Variants in WNT7B observed in about 807,000 individuals in gnomAD.
WNT7B encodes the protein Wnt family member 7B, also known as protein Wnt-7b.
WNT7B carries 19 observed loss-of-function variants against 38.2 expected under a neutral mutation model. That is an observed-to-expected ratio of 0.50 (90% CI 0.35 to 0.73). The LOEUF (loss-of-function observed/expected upper bound fraction) is 0.73. Ranked by LOEUF, WNT7B falls within the 30% of genes least tolerant of loss-of-function variation. The probability of loss-of-function intolerance (pLI) is 0.01; values close to 1 mark genes in which losing one functional copy is unlikely to be tolerated. For synonymous variants in WNT7B, 243 were observed against 209.3 expected (o/e 1.16, Z -1.39); for missense variants, 423 against 507.9 (o/e 0.83, Z 1.61).
chr22:45,961,397 A>G (rs1932193815), intron 1 of WNT7B, among the ~76,000 whole-genome samples: 1 of 152,304 alleles, frequency 6.6e-6, no homozygotes, highest in South Asian at 2.1e-4. Context: ...GGGGAGGGAC[A>G]GGCCCAAAGC....
intron 1 of WNT7B, among the ~76,000 whole-genome samples, chr22:45,953,613 G>C (rs144967639): frequency 6.6e-6 from 1 of 151,822 alleles, no homozygotes; most frequent in East Asian, 1.9e-4. Flanking sequence ...GAAGATATAC[G>C]CACCGCCAAC....
At chr22:45,961,429 C>T (rs1435428571) in intron 1 of WNT7B, among the ~76,000 whole-genome samples, 2 of 152,202 alleles carry the variant, frequency 1.3e-5, no homozygotes, top group African/African-American at 4.8e-5. Flanking sequence ...CAAGCAGGTT[C>T]ATGGTGTGTG....
In WNT7B at chr22:45,951,380, T is replaced by C. The variant is rs1251203431; in HGVS notation, c.72-1234A>G. 6.6e-6 allele frequency among the ~76,000 whole-genome samples: 1 copy of C among 152,102 alleles called. No homozygotes were observed. Among genetic ancestry groups the C allele is most frequent in the Non-Finnish European group, 1.5e-5 (1 of 68,006 alleles). On this transcript the variant is annotated intron_variant, in intron 1 of 3. Transcript: ENST00000339464. The surrounding 1 kb of genome is among the most constrained non-coding windows in gnomAD (Gnocchi z 4.8). The stretch of plus-strand genomic sequence containing the variant: ...GTGTGAGCCACTGCACCCAGCCTTG[T>C]GTGTTTTTTTAATGAGGTGAAATTC...
intron 2 of WNT7B, among the ~76,000 whole-genome samples, chr22:45,939,632 A>AACAC (rs56152359): frequency 0.018 from 2,601 of 144,830 alleles, 63 homozygotes; most frequent in African/African-American, 0.048. Context: ...TGTCTCTACA[A>AACAC]ACACACACAC....
At chr22:45,925,178 C>T in intron 3 of WNT7B, 1 of 970,912 alleles carries the variant, frequency 1.0e-6, no homozygotes, top group Non-Finnish European at 1.2e-6. Flanking sequence ...CAGGTGGGTG[C>T]CGGGTGGGCC....
At chr22:45,933,865 A>AG (rs1931442781) in intron 2 of WNT7B, among the ~76,000 whole-genome samples, 1 of 152,048 alleles carries the variant, frequency 6.6e-6, no homozygotes, top group Admixed American at 6.5e-5. Flanking sequence ...GCCACAGAGG[A>AG]GGGGGAGAAT....
intron 1 of WNT7B, among the ~76,000 whole-genome samples, chr22:45,961,885 G>A (rs998319233): frequency 2.6e-5 from 4 of 152,316 alleles, no homozygotes; most frequent in Admixed American, 1.3e-4. Flanking sequence ...TCAGTTTGCC[G>A]GTCTGTTCAA....
At chr22:45,931,578 C>T (rs1429404541) in intron 2 of WNT7B, among the ~76,000 whole-genome samples, 1 of 151,972 alleles carries the variant, frequency 6.6e-6, no homozygotes, top group Non-Finnish European at 1.5e-5. Context: ...ACCTGGTATA[C>T]AGCAGGCCCC....
At chr22:45,954,345 A>T (rs1937112647) in intron 1 of WNT7B, among the ~76,000 whole-genome samples, 1 of 152,216 alleles carries the variant, frequency 6.6e-6, no homozygotes, top group South Asian at 2.1e-4. Flanking sequence ...TAGTGATTGC[A>T]CCACATTGTG....
chr22:45,965,417 C>T lies in WNT7B; in HGVS notation c.71+11267G>A, dbSNP rs1053141744. Among the ~76,000 whole-genome samples, 3 of 152,164 alleles carry T rather than the reference C, an allele frequency of 2.0e-5. No individual in the cohort carries two copies. The highest frequency in any genetic ancestry group is 2.9e-5 in the Non-Finnish European group (2 of 68,036). On this transcript the variant is annotated intron_variant, in intron 1 of 3. Transcript: ENST00000339464. This position sits in a 1 kb window ranked among gnomAD's most constrained non-coding sequence, Gnocchi z 6.5. The stretch of plus-strand genomic sequence containing the variant: ...CTGATAACCCACCCGCGGGGGCTGC[C>T]GTCACGCTGTGGGCATGAAGGGAAA...
At chr22:45,936,816 G>A (rs1931525190) in intron 2 of WNT7B, among the ~76,000 whole-genome samples, 1 of 152,244 alleles carries the variant, frequency 6.6e-6, no homozygotes. Context: ...CTTCTAGAAA[G>A]AGCAGATGTG....
At chr22:45,926,993 C>CAGGAGCTGG (rs1227175539) in intron 3 of WNT7B, 1 of 985,348 alleles carries the variant, frequency 1.0e-6, no homozygotes, top group African/African-American at 1.7e-5. Flanking sequence ...CCCCTGGCTC[C>CAGGAGCTGG]AGGAGCTGGT....
chr22:45,934,767 G>A (rs1931469492), intron 2 of WNT7B, among the ~76,000 whole-genome samples: 1 of 152,194 alleles, frequency 6.6e-6, no homozygotes, highest in South Asian at 2.1e-4. Flanking sequence ...CTCATCGCCT[G>A]CCGCTCCTGC....
intron 1 of WNT7B, chr22:45,972,435 C>G (rs986848633): frequency 4.2e-6 from 1 of 236,404 alleles, no homozygotes; most frequent in African/African-American, 2.3e-5. Flanking sequence ...TCTGGGGCAG[C>G]GGCGGGAGCT....
intron 1 of WNT7B, among the ~76,000 whole-genome samples, chr22:45,962,164 G>C (rs1932212559): frequency 6.6e-6 from 1 of 151,736 alleles, no homozygotes; most frequent in African/African-American, 2.4e-5. Flanking sequence ...CTGGTGAAGA[G>C]CTGGGGGCCC....
intron 1 of WNT7B, among the ~76,000 whole-genome samples, chr22:45,952,184 T>C (rs1024661489): frequency 6.6e-6 from 1 of 152,220 alleles, no homozygotes; most frequent in African/African-American, 2.4e-5. Flanking sequence ...GCCCCTAGTG[T>C]GCTGGGGACC....
intron 2 of WNT7B, among the ~76,000 whole-genome samples, chr22:45,940,048 C>T (rs1240456332): frequency 2.6e-5 from 4 of 152,154 alleles, no homozygotes; most frequent in Admixed American, 2.0e-4. Context: ...ACTGCAGTGA[C>T]AGCTACACAA....
At chr22:45,929,658 A>AT (rs370807350) in intron 3 of WNT7B, among the ~76,000 whole-genome samples, 4 of 121,914 alleles carry the variant, frequency 3.3e-5, no homozygotes, top group African/African-American at 1.4e-4. Flanking sequence ...CCATCCTTCC[A>AT]CCCACCCGCC....
chr22:45,931,098 C>G lies in WNT7B; in HGVS notation c.570G>C (p.Lys190Asn), dbSNP rs1165295101. ...MNLHNNEAGR[K>N]VLEDRMQLEC... The stretch of plus-strand genomic sequence containing the variant: ...CCCACCAGCCGCACCCGCACCCTAC[C>G]TTCCTGCCGGCCTCATTGTTATGCA... The change falls in exon 3 of 4, where the codon AAG becomes AAC. Residue 190 changes from lysine to asparagine, a missense_variant and splice_region_variant. By Grantham distance (94) the Lys-to-Asn change is moderately conservative. Around this residue, in one of 3 missense-constraint regions of WNT7B, gnomAD observed 132 missense variants for 113.4 expected, o/e 1.16. Coordinates refer to ENST00000339464, the MANE Select transcript of WNT7B (RefSeq NM_058238.3). The G allele has an allele frequency of 6.4e-7, 1 of 1,572,588 alleles. No individual in the cohort carries two copies. The highest frequency in any genetic ancestry group is 8.6e-7 in the Non-Finnish European group (1 of 1,159,398).
Sources: gnomAD v4.1 joint callset for allele counts (sites outside exome capture counted in the v4.1 genomes callset) on GRCh38, gnomAD v4.1.1 for gene constraint, gnomAD v4.1.1 regional missense constraint, Gnocchi (gnomAD v3.1) non-coding constraint, MANE v1.5 for transcripts, NCBI Gene and HGNC (gene_info 2026-07-23, HGNC 2026-07-21) for gene names.